FOXO1: variants seen among roughly 807,000 people sequenced by gnomAD.
FOXO1 encodes the protein forkhead box protein O1.
In FOXO1, 6 loss-of-function variants were observed where a neutral mutation model predicts 44.1. That is an observed-to-expected ratio of 0.14 (90% CI 0.07 to 0.27). The LOEUF (loss-of-function observed/expected upper bound fraction) is 0.27, where lower values mean the gene tolerates loss of function less well. Ranked by LOEUF, FOXO1 falls within the 10% of genes least tolerant of loss-of-function variation. FOXO1 has a pLI of 1.00. For synonymous variants in FOXO1, 380 were observed against 362.7 expected, an observed-to-expected ratio of 1.05 and a Z score of -0.54; for missense variants, 737 against 888.8, an observed-to-expected ratio of 0.83 and a Z score of 2.17.
chr13:40,581,935 C>T (rs915814373), intron 1 of FOXO1, among the ~76,000 whole-genome samples: 11 of 152,098 alleles, frequency 7.2e-5, no homozygotes, highest in South Asian at 2.1e-4. Context: ...AGGAAAGGTG[C>T]CCTTCAACAC....
chr13:40,611,814 G>A (rs1876243504), intron 1 of FOXO1, among the ~76,000 whole-genome samples: 1 of 152,206 alleles, frequency 6.6e-6, no homozygotes, highest in Non-Finnish European at 1.5e-5. Flanking sequence ...GCTCACGCCT[G>A]TAAATCCCAG....
chr13:40,617,008 C>CT, intron 1 of FOXO1, among the ~76,000 whole-genome samples: 1 of 152,304 alleles, frequency 6.6e-6, no homozygotes, highest in East Asian at 1.9e-4. Context: ...CACACCCGCC[C>CT]TACTGGATCC....
At chr13:40,625,502 C>T (rs924627800) in intron 1 of FOXO1, among the ~76,000 whole-genome samples, 2 of 152,090 alleles carry the variant, frequency 1.3e-5, no homozygotes, top group African/African-American at 4.8e-5. Flanking sequence ...GCAGAAAATT[C>T]GTATGTGGCC....
chr13:40,599,721 C>A (rs1875749133), intron 1 of FOXO1, among the ~76,000 whole-genome samples: 1 of 152,000 alleles, frequency 6.6e-6, no homozygotes, highest in Non-Finnish European at 1.5e-5. Flanking sequence ...CCTCCGGCCT[C>A]GGAGGGGTGG....
intron 1 of FOXO1, among the ~76,000 whole-genome samples, chr13:40,646,874 G>A (rs1159741934): frequency 1.3e-5 from 2 of 152,178 alleles, no homozygotes; most frequent in African/African-American, 4.8e-5. Flanking sequence ...GATTACAGGC[G>A]TGAGCCACCG....
intron 1 of FOXO1, among the ~76,000 whole-genome samples, chr13:40,625,565 T>G (rs1339091334): frequency 6.6e-6 from 1 of 152,132 alleles, no homozygotes; most frequent in Non-Finnish European, 1.5e-5. Flanking sequence ...AATCCGTTAT[T>G]AGCTTAGACT....
In FOXO1 at chr13:40,620,111, G is replaced by C; in HGVS notation, c.630+45472C>G. ...TTTTTAGAGCAAGATAGAGAACACAGAGGTACTGCATATACCCCATTCTCT... is the reference window on the plus strand; with the variant it reads ...TTTTTAGAGCAAGATAGAGAACACACAGGTACTGCATATACCCCATTCTCT... On this transcript the variant is annotated intron_variant, in intron 1 of 2. Coordinates refer to ENST00000379561, the MANE Select transcript of FOXO1 (RefSeq NM_002015.4). 2.6e-6 allele frequency: 3 copies of C among 1,155,184 alleles called. No individual in the cohort carries two copies. The East Asian group carries it at 7.1e-5, about 27-fold the overall frequency. The allele number at this position is 1,155,184 out of a possible 1,614,324, so 71.6% of individuals were successfully genotyped here. A position where few individuals can be genotyped will look rare whatever the true frequency, so the allele number is the denominator to read the frequency against.
intron 1 of FOXO1, among the ~76,000 whole-genome samples, chr13:40,570,396 G>T (rs759555976): frequency 4.3e-5 from 6 of 138,440 alleles, no homozygotes; most frequent in East Asian, 5.3e-4. Flanking sequence ...GGACAAAAGA[G>T]GTGCGTTACA....
At chr13:40,582,940 C>T (rs1415412910) in intron 1 of FOXO1, among the ~76,000 whole-genome samples, 2 of 152,182 alleles carry the variant, frequency 1.3e-5, no homozygotes, top group African/African-American at 4.8e-5. Flanking sequence ...TTTTACTTTG[C>T]CCAGATCCAT....
intron 1 of FOXO1, among the ~76,000 whole-genome samples, chr13:40,561,921 C>T (rs905852894): frequency 2.6e-5 from 2 of 77,198 alleles, no homozygotes; most frequent in Non-Finnish European, 4.9e-5. Context: ...GCCTGGGCAA[C>T]AAGAGTTAAA....
intron 1 of FOXO1, among the ~76,000 whole-genome samples, chr13:40,635,150 A>G (rs538330603): frequency 3.9e-5 from 6 of 152,372 alleles, no homozygotes; most frequent in Non-Finnish European, 5.9e-5. Flanking sequence ...TGCCTGAAAC[A>G]AAGTATTAGA....
chr13:40,603,094 C>T (rs1875867666), intron 1 of FOXO1, among the ~76,000 whole-genome samples: 1 of 152,158 alleles, frequency 6.6e-6, no homozygotes, highest in African/African-American at 2.4e-5. Flanking sequence ...ATTCAGGGGG[C>T]TGCCAATGGT....
chr13:40,569,005 C>G (rs1019846071), intron 1 of FOXO1, among the ~76,000 whole-genome samples: 4 of 152,200 alleles, frequency 2.6e-5, no homozygotes, highest in African/African-American at 4.8e-5. Flanking sequence ...CAAGAACATG[C>G]AATATTCCTC....
chr13:40,654,774 G>T (rs1041659542), intron 1 of FOXO1, among the ~76,000 whole-genome samples: 1 of 151,946 alleles, frequency 6.6e-6, no homozygotes, highest in South Asian at 2.1e-4. Flanking sequence ...CACTTTAGAG[G>T]TGGTACTGGC....
chr13:40,623,299 G>A (rs1457383669), intron 1 of FOXO1, among the ~76,000 whole-genome samples: 1 of 152,146 alleles, frequency 6.6e-6, no homozygotes, highest in Non-Finnish European at 1.5e-5. Context: ...GGGGGTCCGT[G>A]TGGGGCATTA....
At chr13:40,626,115 C>T (rs1876778157) in intron 1 of FOXO1, among the ~76,000 whole-genome samples, 1 of 152,136 alleles carries the variant, frequency 6.6e-6, no homozygotes, top group South Asian at 2.1e-4. Context: ...CCATGCCCAG[C>T]CTTACTTTTT....
chr13:40,648,734 G>GC (rs1439731664), intron 1 of FOXO1, among the ~76,000 whole-genome samples: 4 of 152,168 alleles, frequency 2.6e-5, no homozygotes, highest in African/African-American at 9.7e-5. Context: ...CAAAGGTCAT[G>GC]CCCCATATCT....
intron 1 of FOXO1, among the ~76,000 whole-genome samples, chr13:40,585,329 T>A (rs1216725247): frequency 7.3e-6 from 1 of 137,186 alleles, no homozygotes; most frequent in East Asian, 2.5e-4. Context: ...TGTAAGTATT[T>A]CCTCTGCGCG....
chr13:40,621,682 A>G (rs1876622883), intron 1 of FOXO1, among the ~76,000 whole-genome samples: 1 of 152,206 alleles, frequency 6.6e-6, no homozygotes, highest in African/African-American at 2.4e-5. Flanking sequence ...CTTTTCCTTA[A>G]TAGCACAGCA....
Sources: allele counts gnomAD v4.1 joint callset (sites outside exome capture counted in the v4.1 genomes callset), GRCh38; gene constraint gnomAD v4.1.1; transcripts MANE v1.5; gene names NCBI Gene and HGNC (gene_info 2026-07-23, HGNC 2026-07-21).